Variants in TMEM182 observed in about 807,000 individuals in gnomAD.
TMEM182 encodes transmembrane protein 182.
Under a neutral mutation model 26.8 loss-of-function variants are expected in TMEM182, and 20 were observed. The observed-to-expected ratio is 0.75, with a 90% CI of 0.53 to 1.09. The LOEUF (loss-of-function observed/expected upper bound fraction) is 1.09. Ranked by LOEUF, TMEM182 falls within the 50% of genes least tolerant of loss-of-function variation. The pLI is 0.00. For missense variants in TMEM182, 277 were observed against 275.5 expected, an observed-to-expected ratio of 1.01 and a Z score of -0.04; for synonymous variants, 109 against 102.2, an observed-to-expected ratio of 1.07 and a Z score of -0.40.
intron 1 of TMEM182, among the ~76,000 whole-genome samples, chr2:102,752,545 C>T (rs1209402644): frequency 6.6e-6 from 1 of 152,210 alleles, no homozygotes. Context: ...CCACTTCTGA[C>T]TATTTTACAG....
intron 3 of TMEM182, among the ~76,000 whole-genome samples, chr2:102,775,836 T>A (rs1243361494): frequency 1.3e-5 from 2 of 152,206 alleles, no homozygotes; most frequent in South Asian, 4.1e-4. Flanking sequence ...TTACAAGGGA[T>A]GTGAAGGACC....
chr2:102,792,160 T>A (rs1475953875), intron 3 of TMEM182, among the ~76,000 whole-genome samples: 3 of 151,346 alleles, frequency 2.0e-5, no homozygotes, highest in African/African-American at 2.4e-5. Context: ...TATATATATA[T>A]AAATAATTTA....
At chr2:102,756,918 A>G (rs954216103) in intron 1 of TMEM182, among the ~76,000 whole-genome samples, 1 of 151,988 alleles carries the variant, frequency 6.6e-6, no homozygotes, top group Admixed American at 6.5e-5. Flanking sequence ...GGTTGAAGCA[A>G]TTCTCTGCCT....
rs2104785695 is a variant in TMEM182, at chr2:102,843,548, G to A, written c.462G>A (p.Trp154Ter). The change falls in exon 4 of 4, where the codon TGG (tryptophan) becomes TGA (stop). Residue 154 changes from tryptophan to a stop codon, truncating the protein, a stop_gained. Transcript: ENST00000486293. LOFTEE classifies it low-confidence loss of function (END_TRUNC). ...CACTGCTGGGATGGACCAGTCACTG[G>A]ACCTGCATTACAGTGGGCTTATATT... 6.6e-6 allele frequency: 1 copy of A among 152,268 alleles called. No homozygotes were observed. The highest frequency in any genetic ancestry group is 2.1e-4 in the South Asian group (1 of 4,818). 9.4% of individuals were successfully genotyped at this position (152,268 alleles called of 1,614,324 possible).
Position 102,815,060 on chromosome 2 carries a change from G to T in TMEM182, c.*92G>T. The T allele has an allele frequency of 6.6e-7, 1 of 1,505,430 alleles. No homozygotes were observed. Among genetic ancestry groups the T allele is most frequent in the Non-Finnish European group, 8.8e-7 (1 of 1,131,270 alleles). 93.3% of individuals were successfully genotyped at this position (1,505,430 alleles called of 1,614,324 possible). On this transcript the variant is annotated 3_prime_UTR_variant, in exon 5 of 5. Transcript: ENST00000412401. ...TTTCATTGATCCCAGCATAAAGTTAGTAGATATAACTTTTTAGTTGCTATT... is the reference window on the plus strand; with the variant it reads ...TTTCATTGATCCCAGCATAAAGTTATTAGATATAACTTTTTAGTTGCTATT...
intron 4 of TMEM182, among the ~76,000 whole-genome samples, chr2:102,798,490 T>A (rs1681977440): frequency 6.6e-6 from 1 of 152,226 alleles, no homozygotes; most frequent in African/African-American, 2.4e-5. Context: ...CATACACTCA[T>A]GATTTATCAT....
At chr2:102,808,317 C>T (rs557991284) in intron 4 of TMEM182, among the ~76,000 whole-genome samples, 12 of 152,098 alleles carry the variant, frequency 7.9e-5, no homozygotes, top group Middle Eastern at 3.4e-3. Context: ...AATAATTGAG[C>T]GCTATGGAAT....
chr2:102,744,267 C>T (rs546967007), intron 1 of TMEM182, among the ~76,000 whole-genome samples: 1 of 152,222 alleles, frequency 6.6e-6, no homozygotes, highest in Admixed American at 6.5e-5. Flanking sequence ...TGAAAACACT[C>T]AAATATCTGG....
chr2:102,739,776 A>G (rs1420609641), intron 1 of TMEM182, among the ~76,000 whole-genome samples: 3 of 152,186 alleles, frequency 2.0e-5, no homozygotes, highest in African/African-American at 7.2e-5. Flanking sequence ...ACCCAGTCTC[A>G]GGTATTTCCT....
At chr2:102,766,059 A>G (rs1460752245) in intron 3 of TMEM182, among the ~76,000 whole-genome samples, 6 of 152,202 alleles carry the variant, frequency 3.9e-5, no homozygotes, top group Non-Finnish European at 8.8e-5. Context: ...AAGTAATACA[A>G]GGTTGGCTTT....
intron 3 of TMEM182, among the ~76,000 whole-genome samples, chr2:102,777,434 A>G (rs1339542914): frequency 6.6e-6 from 1 of 152,036 alleles, no homozygotes; most frequent in Non-Finnish European, 1.5e-5. Context: ...CCTTTTTGTC[A>G]GATTAGTTGA....
intron 3 of TMEM182, among the ~76,000 whole-genome samples, chr2:102,791,201 G>A (rs1681620095): frequency 6.6e-6 from 1 of 152,118 alleles, no homozygotes; most frequent in Admixed American, 6.5e-5. Flanking sequence ...CTCCCAAAGT[G>A]CTGGGATTAC....
At chr2:102,758,768 A>G (rs879909818), upstream of TMEM182, among the ~76,000 whole-genome samples, 5 of 152,236 alleles carry the variant, frequency 3.3e-5, no homozygotes, top group Non-Finnish European at 5.9e-5. Context: ...AAAATTATCA[A>G]GCTAAAATGG....
At chr2:102,814,263 C>T (rs1047491606) in intron 4 of TMEM182, among the ~76,000 whole-genome samples, 4 of 151,978 alleles carry the variant, frequency 2.6e-5, no homozygotes, top group Non-Finnish European at 5.9e-5. Context: ...CAGAAAGACC[C>T]GGGCTGAAAA....
At position 102,750,159 on chromosome 2, in the gene TMEM182, A is replaced by T. The variant is rs111250767; in HGVS notation, c.-82-8230A>T. 3.1e-3 allele frequency among the ~76,000 whole-genome samples: 468 copies of T among 151,934 alleles called. 3 individuals are homozygous for T. Among genetic ancestry groups the T allele is most frequent in the Middle Eastern group, 3.4e-3 (1 of 294 alleles). ...TTCACTTTCGCTTCCCCAATGTTCC[A>T]TTTTCTGGTTTGAACTCTGATGCAG... On this transcript the variant is annotated intron_variant, in intron 1 of 5. Transcript: ENST00000409173.
chr2:102,776,997 G>T (rs1226392691), intron 3 of TMEM182, among the ~76,000 whole-genome samples: 7 of 151,752 alleles, frequency 4.6e-5, no homozygotes, highest in Non-Finnish European at 7.4e-5. Context: ...GGATTGTTTG[G>T]TTTTTTATTC....
At chr2:102,836,380 C>T (rs1156340855) in intron 3 of TMEM182, among the ~76,000 whole-genome samples, 1 of 152,210 alleles carries the variant, frequency 6.6e-6, no homozygotes, top group East Asian at 1.9e-4. Context: ...TGTTGTTCCA[C>T]ATCCTCACTG....
At chr2:102,803,953 G>A (rs190840621) in intron 4 of TMEM182, among the ~76,000 whole-genome samples, 78 of 152,034 alleles carry the variant, frequency 5.1e-4, no homozygotes, top group Admixed American at 1.8e-3. Context: ...GCAGGCACAC[G>A]CAGCCCTGGC....
chr2:102,800,584 A>G (rs913271270), intron 4 of TMEM182, among the ~76,000 whole-genome samples: 2 of 151,798 alleles, frequency 1.3e-5, no homozygotes, highest in Non-Finnish European at 1.5e-5. Context: ...AAGGGTACAC[A>G]TTTTTCTATG....
Sources: gnomAD v4.1 joint callset for allele counts (sites outside exome capture counted in the v4.1 genomes callset) on GRCh38, gnomAD v4.1.1 for gene constraint, MANE v1.5 for transcripts, NCBI Gene and HGNC (gene_info 2026-07-23, HGNC 2026-07-21) for gene names.